The following TMEM17 variants were observed in gnomAD, a reference collection of about 807,000 sequenced individuals.
TMEM17 encodes the protein transmembrane protein 17.
A neutral mutation model predicts 19.1 loss-of-function variants in TMEM17; 15 were observed. That is an observed-to-expected ratio of 0.78 (90% CI 0.52 to 1.21). The LOEUF (loss-of-function observed/expected upper bound fraction) is 1.21, where lower values mean the gene tolerates loss of function less well. Among genes scored for constraint, TMEM17 ranks in the 50% most tolerant of loss-of-function variants. The pLI, the probability that TMEM17 is intolerant of heterozygous loss-of-function variation, is 0.00. For synonymous variants in TMEM17, 103 were observed against 86.9 expected (o/e 1.19, Z -1.03); for missense variants, 245 against 242.3 (o/e 1.01, Z -0.07).
At chr2:62,485,066 T>C in the TMEM17 span, among the ~76,000 whole-genome samples, 1 of 152,230 alleles carries the variant, frequency 6.6e-6, no homozygotes, top group East Asian at 1.9e-4. Context: ...GCCTCCTGAG[T>C]AGCTGGGACT....
At chr2:62,498,647 C>T (rs1289520110), downstream of TMEM17, among the ~76,000 whole-genome samples, 111 of 145,742 alleles carry the variant, frequency 7.6e-4, no homozygotes, top group Non-Finnish European at 1.3e-3. Context: ...ACCCGGGAGG[C>T]GGAGCTTGCA....
the TMEM17 span, among the ~76,000 whole-genome samples, chr2:62,472,694 A>G: frequency 6.6e-6 from 1 of 152,198 alleles, no homozygotes; most frequent in Non-Finnish European, 1.5e-5. Context: ...GACACTGGGC[A>G]ATGGGGTGGT....
Position 62,502,729 on chromosome 2 carries a change from G to A in TMEM17, c.166C>T (p.Leu56=). The change falls in exon 2 of 4, where the codon CTG becomes TTG. Residue 56 remains leucine (L), a synonymous_variant. Coordinates refer to ENST00000335390, the MANE Select transcript of TMEM17 (RefSeq NM_198276.3). Reference sequence around the variant, plus strand: ...ATCATAATGCTGCTCACCCACCACAGTGGGAAATAGTAGGTATTAAAATAA... The same window carrying A: ...ATCATAATGCTGCTCACCCACCACAATGGGAAATAGTAGGTATTAAAATAA... ...SLYFNTYYFP[L]WWVSSIMMLH... The A allele has an allele frequency of 6.2e-7, 1 of 1,609,942 alleles. No homozygotes were observed. Among genetic ancestry groups the A allele is most frequent in the South Asian group, 1.1e-5 (1 of 89,960 alleles).
At chr2:62,469,897 G>A in the TMEM17 span, among the ~76,000 whole-genome samples, 1 of 152,212 alleles carries the variant, frequency 6.6e-6, no homozygotes, top group African/African-American at 2.4e-5. Flanking sequence ...TTTGTCTCAG[G>A]TTGTCTGATC....
the TMEM17 span, among the ~76,000 whole-genome samples, chr2:62,471,477 C>T: frequency 6.6e-6 from 1 of 152,250 alleles, no homozygotes; most frequent in African/African-American, 2.4e-5. Context: ...CTTCAAACTT[C>T]TTGTTCAAAG....
At position 62,501,264 on chromosome 2, in the gene TMEM17, A is replaced by G; in HGVS notation, c.542T>C (p.Leu181Pro). 2 of 1,614,198 alleles carry G rather than the reference A, an allele frequency of 1.2e-6. No homozygotes were observed. Among genetic ancestry groups the G allele is most frequent in the Non-Finnish European group, 1.7e-6 (2 of 1,180,032 alleles). The change falls in exon 4 of 4, where the codon CTC (leucine) becomes CCC (proline). Residue 181 changes from leucine (L) to proline (P), a missense_variant. By Grantham distance (98) the Leu-to-Pro change is moderately conservative. Transcript: ENST00000335390. ...TCTCATGTCTCCTCTGTTTGCAGAG[A>G]GCCGGTCAAAGTCTTGGAGGTGGAA... ...VRFHLQDFDR[L>P]SANRGDMRRM...
chr2:62,460,262 A>C, the TMEM17 span, among the ~76,000 whole-genome samples: 5 of 152,214 alleles, frequency 3.3e-5, no homozygotes, highest in Non-Finnish European at 5.9e-5. Context: ...AGATGATGGA[A>C]TTGAGGCTCC....
chr2:62,461,580 C>G, the TMEM17 span, among the ~76,000 whole-genome samples: 3 of 152,092 alleles, frequency 2.0e-5, no homozygotes, highest in Non-Finnish European at 2.9e-5. Context: ...CTTAAGAGAC[C>G]CCGGAGATGG....
chr2:62,500,048 T>C (rs933967868), downstream of TMEM17, among the ~76,000 whole-genome samples: 7 of 152,358 alleles, frequency 4.6e-5, no homozygotes, highest in African/African-American at 1.7e-4. Flanking sequence ...AAGCAGTTCT[T>C]TGGTGAACAA....
chr2:62,480,356 A>G, the TMEM17 span, among the ~76,000 whole-genome samples: 2 of 151,924 alleles, frequency 1.3e-5, no homozygotes, highest in African/African-American at 4.8e-5. Flanking sequence ...ATTTTCTCCC[A>G]TTCTTTAGAT....
the TMEM17 span, among the ~76,000 whole-genome samples, chr2:62,481,698 G>GGTGTGTGTGTGTGTGTGTGTGT: frequency 6.9e-5 from 10 of 144,158 alleles, no homozygotes; most frequent in African/African-American, 2.3e-4. Flanking sequence ...ACCCCTTAAA[G>GGTGTGTGTGTGTGTGTGTGTGT]GTGTGTGTGT....
At chr2:62,491,923 A>G in the TMEM17 span, among the ~76,000 whole-genome samples, 1 of 149,050 alleles carries the variant, frequency 6.7e-6, no homozygotes, top group Non-Finnish European at 1.5e-5. Context: ...CAGGCAAAAA[A>G]CCAAAAAAAA....
At chr2:62,470,730 C>T in the TMEM17 span, among the ~76,000 whole-genome samples, 1 of 152,362 alleles carries the variant, frequency 6.6e-6, no homozygotes, top group African/African-American at 2.4e-5. Flanking sequence ...TCACAAAGAG[C>T]TCCCAAAGAA....
At chr2:62,498,003 ATG>A (rs1558720497), downstream of TMEM17, among the ~76,000 whole-genome samples, 6 of 152,350 alleles carry the variant, frequency 3.9e-5, no homozygotes, top group Admixed American at 3.3e-4. Context: ...AACTAGGAGC[ATG>A]TCTTGTCTAT....
chr2:62,472,196 A>C, the TMEM17 span, among the ~76,000 whole-genome samples: 1 of 152,256 alleles, frequency 6.6e-6, no homozygotes, highest in South Asian at 2.1e-4. Flanking sequence ...AGGATAACAC[A>C]GACTTAATGC....
At chr2:62,481,841 T>C in the TMEM17 span, among the ~76,000 whole-genome samples, 12 of 151,956 alleles carry the variant, frequency 7.9e-5, no homozygotes, top group African/African-American at 1.2e-4. Flanking sequence ...TTGGAAAAGA[T>C]AGTTGGCAAG....
the TMEM17 span, among the ~76,000 whole-genome samples, chr2:62,476,377 C>T: frequency 0.013 from 2,003 of 152,252 alleles, 20 homozygotes; most frequent in Non-Finnish European, 0.02. Context: ...TCCACTACCA[C>T]CAGGTAAGAA....
chr2:62,469,505 G>A, the TMEM17 span, among the ~76,000 whole-genome samples: 1 of 152,178 alleles, frequency 6.6e-6, no homozygotes, highest in Non-Finnish European at 1.5e-5. Flanking sequence ...AACATTCAAT[G>A]GTGTTGCCAA....
chr2:62,470,655 C>T, the TMEM17 span, among the ~76,000 whole-genome samples: 1 of 152,378 alleles, frequency 6.6e-6, no homozygotes, highest in African/African-American at 2.4e-5. Context: ...CACCTTGAAG[C>T]AGCCTGCACA....
Sources: gnomAD v4.1 joint callset for allele counts (sites outside exome capture counted in the v4.1 genomes callset) on GRCh38, gnomAD v4.1.1 for gene constraint, MANE v1.5 for transcripts, NCBI Gene and HGNC (gene_info 2026-07-23, HGNC 2026-07-21) for gene names.